Variants in GDPD5 observed in about 807,000 individuals in gnomAD.
The protein encoded by GDPD5 is glycerophosphodiester phosphodiesterase 2.
A neutral mutation model predicts 75.1 loss-of-function variants in GDPD5; 48 were observed. The ratio of observed to expected loss-of-function variants is 0.64; its 90% CI spans 0.51 to 0.81. GDPD5 has a LOEUF of 0.81. GDPD5 is among the 40% of genes least tolerant of loss of function. GDPD5 has a pLI of 0.00. For missense variants in GDPD5, 706 were observed against 822.6 expected (o/e 0.86, Z 1.73); for synonymous variants, 336 against 339.0 (o/e 0.99, Z 0.10).
intron 1 of GDPD5, among the ~76,000 whole-genome samples, chr11:75,514,358 C>T (rs893647976): frequency 2.0e-5 from 3 of 152,250 alleles, no homozygotes; most frequent in African/African-American, 4.8e-5. Flanking sequence ...GGGACCTGGG[C>T]CCTAGAGCAC....
At chr11:75,476,130 C>T (rs906094988) in intron 3 of GDPD5, among the ~76,000 whole-genome samples, 2 of 152,204 alleles carry the variant, frequency 1.3e-5, no homozygotes, top group Admixed American at 1.3e-4. Flanking sequence ...ACCCCATTCA[C>T]ACCAGTGGCT....
Position 75,448,997 on chromosome 11 carries a change from CAAT to C in GDPD5, c.691_693del (p.Ile231del). 6.3e-7 allele frequency: 1 copy of C among 1,582,316 alleles called. No homozygotes were observed. Among genetic ancestry groups the C allele is most frequent in the Non-Finnish European group, 8.5e-7 (1 of 1,170,668 alleles). On this transcript the variant is annotated inframe_deletion, in exon 9 of 17. Transcript: ENST00000336898. Reference sequence around the variant, plus strand: ...CTCACCATGGGGGCCCCGCGGTGGCCAATGAGAGCAGGCTTGGGGCCGAGGTCT... The same window carrying C: ...CTCACCATGGGGGCCCCGCGGTGGCCGAGAGCAGGCTTGGGGCCGAGGTCT...
chr11:75,439,997 T>C (rs943568086), intron 14 of GDPD5, 36 bp from the exon 15 acceptor site: 2 of 1,530,708 alleles, frequency 1.3e-6, no homozygotes, highest in Non-Finnish European at 9.0e-7. Flanking sequence ...CTTCCAGTCA[T>C]GGCCAGTCCA....
rs1310900681 is a variant in GDPD5, at chr11:75,477,681, G to C, written c.55C>G (p.Leu19Val). ...CAACGGCAGCCGTAGATGCCCGTGA[G>C]GCAGGAGAGGCACAGCTGTGGCTCG... ...YYEPQLCLSC[L>V]TGIYGCRWKR... The change falls in exon 3 of 17, where the codon CTC becomes GTC. Residue 19 changes from leucine (L) to valine (V), a missense_variant. Transcript: ENST00000336898. 1 of 1,599,734 alleles carries C rather than the reference G, an allele frequency of 6.3e-7. No individual in the cohort carries two copies. The highest frequency in any genetic ancestry group is 1.7e-5 in the Admixed American group (1 of 59,702).
At position 75,449,988 on chromosome 11, in the gene GDPD5, A is replaced by AG; in HGVS notation, c.376-6dup. On this transcript the variant is annotated splice_region_variant and splice_polypyrimidine_tract_variant and intron_variant, in intron 6 of 16. Coordinates refer to ENST00000336898, the MANE Select transcript of GDPD5 (RefSeq NM_030792.8). ...CAGGATGACCACCAGCCCGATCTGG[A>AG]GGGGGAAGAGTCACCGGACAGAGGC... 1 of 1,612,618 alleles carries AG rather than the reference A, an allele frequency of 6.2e-7. No individual in the cohort carries two copies. The highest frequency in any genetic ancestry group is 8.5e-7 in the Non-Finnish European group (1 of 1,179,276).
At chr11:75,471,677 A>C (rs1028442373) in intron 3 of GDPD5, among the ~76,000 whole-genome samples, 11 of 152,056 alleles carry the variant, frequency 7.2e-5, no homozygotes, top group Non-Finnish European at 1.5e-4. Flanking sequence ...CTCCTGCCCC[A>C]CCCTTGCTCA....
chr11:75,473,945 C>T lies in GDPD5; in HGVS notation c.117+3674G>A, dbSNP rs367981317. Among the ~76,000 whole-genome samples, 33 of 152,280 alleles carry T rather than the reference C, an allele frequency of 2.2e-4. No individual in the cohort carries two copies. In the South Asian group the frequency reaches 5.8e-3, roughly 27 times the overall value. ...TCTGTTCCCCCACAAGCCTGGGGGC[C>T]GGCCCTTCAAGGGAGGGGAAAACCA... On this transcript the variant is annotated intron_variant, in intron 3 of 16. Transcript: ENST00000336898.
At chr11:75,473,417 C>T (rs1039956234) in intron 3 of GDPD5, among the ~76,000 whole-genome samples, 2 of 152,040 alleles carry the variant, frequency 1.3e-5, no homozygotes, top group African/African-American at 4.8e-5. Context: ...GTCAGACACT[C>T]CTTCCTCTGC....
At chr11:75,443,460 A>C (rs1472617794) in intron 10 of GDPD5, among the ~76,000 whole-genome samples, 174 bp from the exon 11 acceptor site, 1 of 151,774 alleles carries the variant, frequency 6.6e-6, no homozygotes, top group Non-Finnish European at 1.5e-5. Context: ...CTGGTGGGTG[A>C]CCCTGAAGGT....
chr11:75,448,726 G>T, intron 9 of GDPD5: 1 of 1,206,152 alleles, frequency 8.3e-7, no homozygotes. Context: ...TCTAGCCTGG[G>T]CCTAAAACCC....
chr11:75,517,434 A>G (rs1950662094), intron 1 of GDPD5: 1 of 152,042 alleles, frequency 6.6e-6, no homozygotes, highest in Non-Finnish European at 1.5e-5. Context: ...AGCCTGGGCA[A>G]TAAGAACGAA....
intron 1 of GDPD5, among the ~76,000 whole-genome samples, chr11:75,523,801 CT>C (rs1592178496): frequency 6.6e-6 from 1 of 152,252 alleles, no homozygotes; most frequent in East Asian, 1.9e-4. Flanking sequence ...GTCACCTTGT[CT>C]TTTGGGATCC....
intron 1 of GDPD5, among the ~76,000 whole-genome samples, chr11:75,512,471 G>A (rs1681180527): frequency 2.0e-5 from 3 of 152,124 alleles, no homozygotes; most frequent in East Asian, 1.9e-4. Context: ...AAGCCGCGTC[G>A]GCATTCTCAG....
intron 9 of GDPD5, among the ~76,000 whole-genome samples, chr11:75,447,853 G>C (rs1041510872): frequency 6.6e-5 from 10 of 152,150 alleles, no homozygotes; most frequent in African/African-American, 2.4e-4. Context: ...GCACAGAGGG[G>C]ACTGGTGACC....
intron 2 of GDPD5, among the ~76,000 whole-genome samples, chr11:75,482,509 T>C (rs1949940488): frequency 6.6e-6 from 1 of 152,094 alleles, no homozygotes; most frequent in South Asian, 2.1e-4. Flanking sequence ...ACCACCCTTT[T>C]CTCAAGGCCC....
chr11:75,515,779 C>T (rs1056097099), intron 1 of GDPD5, among the ~76,000 whole-genome samples: 4 of 152,228 alleles, frequency 2.6e-5, no homozygotes, highest in African/African-American at 9.6e-5. Context: ...AGAGGTTCCC[C>T]TGTCCCTGGC....
chr11:75,503,349 T>A (rs1290554696), intron 1 of GDPD5, among the ~76,000 whole-genome samples: 1 of 152,190 alleles, frequency 6.6e-6, no homozygotes, highest in Non-Finnish European at 1.5e-5. Context: ...AGTCACTAAA[T>A]TTTGGGGTCA....
chr11:75,441,567 T>TGG, intron 13 of GDPD5, 79 bp downstream of exon 13: 1 of 1,232,722 alleles, frequency 8.1e-7, no homozygotes, highest in South Asian at 1.4e-5. Flanking sequence ...TGTGTGTGTG[T>TGG]GTTGGGGGGT....
intron 1 of GDPD5, among the ~76,000 whole-genome samples, chr11:75,512,889 A>AAAAG (rs1400550968): frequency 1.3e-5 from 2 of 152,356 alleles, no homozygotes; most frequent in South Asian, 2.1e-4. Flanking sequence ...TCTGTCTCAA[A>AAAAG]AAAGAAAGAA....
Sources: allele counts gnomAD v4.1 joint callset (sites outside exome capture counted in the v4.1 genomes callset), GRCh38; gene constraint gnomAD v4.1.1; transcripts MANE v1.5; gene names NCBI Gene and HGNC (gene_info 2026-07-23, HGNC 2026-07-21).